UST: variants seen among roughly 807,000 people sequenced by gnomAD.
UST encodes uronyl 2-sulfotransferase, also known as chondroitin sulfate 2-O-sulfotransferase.
Under a neutral mutation model 45.6 loss-of-function variants are expected in UST, and 21 were observed. That is an observed-to-expected ratio of 0.46 (90% confidence interval 0.33 to 0.66). The LOEUF (loss-of-function observed/expected upper bound fraction) is 0.66, where lower values mean the gene tolerates loss of function less well. Among genes scored for constraint, UST ranks in the 30% least tolerant of loss-of-function variants. UST has a pLI of 0.02. For synonymous variants in UST, 215 were observed against 200.6 expected, an observed-to-expected ratio of 1.07 and a Z score of -0.61; for missense variants, 463 against 512.4, an observed-to-expected ratio of 0.90 and a Z score of 0.93.
intron 7 of UST, among the ~76,000 whole-genome samples, chr6:149,055,293 A>C (rs1045958107): frequency 6.6e-6 from 1 of 152,216 alleles, no homozygotes; most frequent in African/African-American, 2.4e-5. Context: ...TTATATCAAA[A>C]TGAGATTTTA....
chr6:148,966,348 C>T (rs9498184), intron 5 of UST, among the ~76,000 whole-genome samples: 19 of 152,110 alleles, frequency 1.2e-4, no homozygotes, highest in African/African-American at 3.4e-4. Flanking sequence ...AATGTCTTCT[C>T]TAATTATCTT....
chr6:149,002,890 ATAAG>A (rs1486122902), intron 5 of UST, among the ~76,000 whole-genome samples: 1 of 152,250 alleles, frequency 6.6e-6, no homozygotes, highest in Non-Finnish European at 1.5e-5. Context: ...GATATTCTAT[ATAAG>A]TATTAGCATA....
intron 1 of UST, among the ~76,000 whole-genome samples, chr6:148,837,367 G>A (rs891868458): frequency 2.0e-5 from 3 of 152,120 alleles, no homozygotes; most frequent in Non-Finnish European, 2.9e-5. Flanking sequence ...TCAGAATCAA[G>A]GAGATAGGTT....
At chr6:148,777,568 G>C (rs60916872) in intron 1 of UST, among the ~76,000 whole-genome samples, 44,116 of 151,816 alleles carry the variant, frequency 0.29, 6,591 homozygotes, top group South Asian at 0.34. Flanking sequence ...TTTTTGAGAC[G>C]GAGTCTCGCT....
chr6:149,015,470 A>G (rs1434594833), intron 5 of UST, among the ~76,000 whole-genome samples: 1 of 152,164 alleles, frequency 6.6e-6, no homozygotes, highest in African/African-American at 2.4e-5. Flanking sequence ...TTGGCAGGGA[A>G]GGGCACTGCA....
intron 1 of UST, among the ~76,000 whole-genome samples, chr6:148,830,434 A>T (rs1245132014): frequency 6.6e-6 from 1 of 152,246 alleles, no homozygotes; most frequent in East Asian, 1.9e-4. Flanking sequence ...AGACGACCGG[A>T]CTAAGCAGCA....
At chr6:148,998,012 G>T (rs908200540) in intron 5 of UST, among the ~76,000 whole-genome samples, 2 of 152,176 alleles carry the variant, frequency 1.3e-5, no homozygotes, top group Non-Finnish European at 2.9e-5. Flanking sequence ...TTTGTGGTTT[G>T]TTTTGCGTTC....
intron 5 of UST, among the ~76,000 whole-genome samples, chr6:149,018,255 A>G (rs1397572302): frequency 6.7e-6 from 1 of 148,948 alleles, no homozygotes; most frequent in Admixed American, 6.7e-5. Context: ...CCACACATGT[A>G]TATCAGATAC....
intron 2 of UST, among the ~76,000 whole-genome samples, chr6:148,908,905 A>G (rs1286307315): frequency 6.6e-6 from 1 of 152,212 alleles, no homozygotes; most frequent in Non-Finnish European, 1.5e-5. Context: ...AAATTAGTCT[A>G]TCAGTTCATG....
intron 1 of UST, among the ~76,000 whole-genome samples, chr6:148,780,195 C>A (rs1054350675): frequency 6.6e-6 from 1 of 151,960 alleles, no homozygotes; most frequent in Non-Finnish European, 1.5e-5. Flanking sequence ...TTGTACTTCA[C>A]AGATAATGCA....
intron 1 of UST, among the ~76,000 whole-genome samples, chr6:148,871,145 T>TCTCTCTCC (rs1032229926): frequency 7.4e-6 from 1 of 135,108 alleles, no homozygotes; most frequent in Non-Finnish European, 1.6e-5. Context: ...TCTCTCTCTC[T>TCTCTCTCC]CCCTCTCTCC....
intron 1 of UST, among the ~76,000 whole-genome samples, chr6:148,753,899 CGTT>C (rs1014797740): frequency 9.2e-5 from 14 of 151,682 alleles, no homozygotes; most frequent in African/African-American, 3.4e-4. Context: ...TATTCATTGG[CGTT>C]GTGTTTTGCA....
At chr6:148,884,569 T>C (rs894139933) in intron 1 of UST, among the ~76,000 whole-genome samples, 10 of 151,870 alleles carry the variant, frequency 6.6e-5, no homozygotes, top group African/African-American at 2.2e-4. Context: ...CAGAGAAGGC[T>C]GTGGTGGCTA....
intron 1 of UST, among the ~76,000 whole-genome samples, chr6:148,808,970 A>G (rs1335924607): frequency 6.6e-6 from 1 of 152,256 alleles, no homozygotes; most frequent in African/African-American, 2.4e-5. Context: ...GATGAGAAGT[A>G]AATATCTGTT....
chr6:148,910,546 G>A (rs542442773), intron 2 of UST, among the ~76,000 whole-genome samples: 73 of 152,146 alleles, frequency 4.8e-4, no homozygotes, highest in Non-Finnish European at 8.7e-4. Context: ...CTGTTCTTTA[G>A]GTCATAACCA....
intron 5 of UST, among the ~76,000 whole-genome samples, chr6:149,018,646 A>G (rs535659377): frequency 2.6e-5 from 4 of 152,326 alleles, no homozygotes; most frequent in Admixed American, 6.5e-5. Flanking sequence ...TTAAGCTAAT[A>G]TAGTGTTAGA....
chr6:148,953,823 G>C (rs1780422253), intron 3 of UST, 49 bp from the exon 4 acceptor site: 3 of 1,186,042 alleles, frequency 2.5e-6, no homozygotes, highest in Non-Finnish European at 3.5e-6. Context: ...ACTTAATATG[G>C]CTTGGTAAAT....
intron 1 of UST, among the ~76,000 whole-genome samples, chr6:148,837,617 A>G (rs563199516): frequency 3.1e-4 from 47 of 152,326 alleles, no homozygotes; most frequent in African/African-American, 1.1e-3. Flanking sequence ...TATTTATTAA[A>G]TGCCTACCAA....
intron 1 of UST, among the ~76,000 whole-genome samples, chr6:148,757,998 A>G (rs1466767260): frequency 1.3e-5 from 2 of 152,216 alleles, no homozygotes; most frequent in Non-Finnish European, 1.5e-5. Context: ...TTTACAGGAT[A>G]CTTCTCTAAC....
Sources: allele counts gnomAD v4.1 joint callset (sites outside exome capture counted in the v4.1 genomes callset), GRCh38; gene constraint gnomAD v4.1.1; transcripts MANE v1.5; gene names NCBI Gene and HGNC (gene_info 2026-07-23, HGNC 2026-07-21).